The following PIP5K1A variants were observed in gnomAD, a reference collection of about 807,000 sequenced individuals.
PIP5K1A encodes phosphatidylinositol 4-phosphate 5-kinase type-1 alpha.
In PIP5K1A, 46 loss-of-function variants were observed where a neutral mutation model predicts 72.9. That is an observed-to-expected ratio of 0.63 (90% confidence interval 0.50 to 0.81). The LOEUF is 0.81. Ranked by LOEUF, PIP5K1A falls within the 30% of genes least tolerant of loss-of-function variation. PIP5K1A has a pLI of 0.00. For synonymous variants in PIP5K1A, 228 were observed against 255.1 expected (o/e 0.89, Z 1.01); for missense variants, 458 against 706.1 (o/e 0.65, Z 3.98).
chr1:151,237,063 C>T (rs1690994021), intron 9 of PIP5K1A, among the ~76,000 whole-genome samples: 1 of 152,080 alleles, frequency 6.6e-6, no homozygotes, highest in African/African-American at 2.4e-5. Context: ...CTCCTGACCT[C>T]AGGTGATCCA....
intron 1 of PIP5K1A, among the ~76,000 whole-genome samples, chr1:151,212,117 A>G (rs1017696697): frequency 2.4e-4 from 36 of 152,056 alleles, no homozygotes; most frequent in Admixed American, 1.1e-3. Flanking sequence ...GTCTCAAAAA[A>G]AAAAAAAGAT....
intron 1 of PIP5K1A, among the ~76,000 whole-genome samples, chr1:151,212,526 G>A (rs1433158854): frequency 6.6e-6 from 1 of 152,036 alleles, no homozygotes; most frequent in African/African-American, 2.4e-5. Flanking sequence ...CCTTAGGACT[G>A]GTACAGAGTT....
intron 4 of PIP5K1A, among the ~76,000 whole-genome samples, chr1:151,229,503 A>G (rs1689715508): frequency 6.6e-6 from 1 of 151,420 alleles, no homozygotes; most frequent in South Asian, 2.1e-4. Context: ...CTGGGATTAC[A>G]GGCATGCACC....
intron 1 of PIP5K1A, among the ~76,000 whole-genome samples, chr1:151,209,308 C>G (rs587770638): frequency 6.6e-6 from 1 of 151,996 alleles, no homozygotes; most frequent in East Asian, 1.9e-4. Context: ...GAGTCTTGCT[C>G]TGTCGCCCAG....
At chr1:151,203,385 C>T (rs1279326313) in intron 1 of PIP5K1A, among the ~76,000 whole-genome samples, 2 of 151,804 alleles carry the variant, frequency 1.3e-5, no homozygotes, top group South Asian at 2.1e-4. Context: ...AAAAATTAGC[C>T]GGGTGTGGTG....
chr1:151,224,157 TTTGACTCAA>T, intron 1 of PIP5K1A, 79 bp from the exon 2 acceptor site: 1 of 1,203,940 alleles, frequency 8.3e-7, no homozygotes, highest in Non-Finnish European at 1.2e-6. Flanking sequence ...TTATGTTTAG[TTTGACTCAA>T]ACTCTGATGG....
intron 1 of PIP5K1A, among the ~76,000 whole-genome samples, chr1:151,218,246 C>T (rs891728663): frequency 1.3e-5 from 2 of 152,114 alleles, no homozygotes; most frequent in South Asian, 4.1e-4. Context: ...AAGGTAATCT[C>T]CCTAAAAGAA....
intron 12 of PIP5K1A, chr1:151,240,312 A>G (rs974346080): frequency 4.9e-6 from 2 of 410,104 alleles, no homozygotes; most frequent in Non-Finnish European, 8.8e-6. Context: ...ATAAATAAAT[A>G]ATGTGTAGTT....
At chr1:151,225,664 T>G (rs1689015953) in intron 3 of PIP5K1A, among the ~76,000 whole-genome samples, 1 of 151,494 alleles carries the variant, frequency 6.6e-6, no homozygotes, top group Non-Finnish European at 1.5e-5. Context: ...GAGGCAGGGT[T>G]TCACCCTGTT....
chr1:151,213,464 T>C (rs1687141079), intron 1 of PIP5K1A: 3 of 152,198 alleles, frequency 2.0e-5, no homozygotes, highest in Admixed American at 1.3e-4. Flanking sequence ...TGAAATTGGG[T>C]ATCCCTGTTT....
chr1:151,228,974 C>A (rs1031831716), intron 4 of PIP5K1A, among the ~76,000 whole-genome samples: 2 of 151,270 alleles, frequency 1.3e-5, no homozygotes, highest in African/African-American at 4.9e-5. Flanking sequence ...CGGAGACCAA[C>A]CTGACCAACA....
Position 151,243,530 on chromosome 1 carries a change from T to C in PIP5K1A, c.1640+963T>C, listed in dbSNP as rs587775009. 7.2e-5 allele frequency among the ~76,000 whole-genome samples: 11 copies of C among 152,332 alleles called. No individual in the cohort carries two copies. The South Asian group carries it at 2.3e-3, about 32-fold the overall frequency. On this transcript the variant is annotated intron_variant, in intron 14 of 15. Transcript: ENST00000368888. ...AGGAGTCATTGATTTTATTTGCTGT[T>C]CCAAAATCCAGGAAATGTTGGAGTT...
At chr1:151,214,675 C>T (rs1687321371) in intron 1 of PIP5K1A, among the ~76,000 whole-genome samples, 2 of 152,050 alleles carry the variant, frequency 1.3e-5, no homozygotes, top group African/African-American at 2.4e-5. Context: ...GCCACAGCAC[C>T]TGGCCGGCTT....
intron 10 of PIP5K1A, chr1:151,238,714 A>C: frequency 4.3e-6 from 1 of 230,874 alleles, no homozygotes. Flanking sequence ...AGGAGCTGGA[A>C]TTGTTAGACC....
At chr1:151,227,692 A>G (rs2102518895) in intron 4 of PIP5K1A, among the ~76,000 whole-genome samples, 1 of 152,312 alleles carries the variant, frequency 6.6e-6, no homozygotes, top group East Asian at 1.9e-4. Context: ...GGAGTTCAAG[A>G]CCAACCTGGC....
rs1684754438 is a variant in PIP5K1A at position 151,198,569 on chromosome 1, C to T, written c.-428C>T. ...AGTGCTCGGATTTTTTGCTTGGCTA[C>T]CCGGAGTGAAGCGGCCGGGTTGGGC... On this transcript the variant is annotated 5_prime_UTR_variant, in exon 1 of 16. Coordinates refer to ENST00000368888, the MANE Select transcript of PIP5K1A (RefSeq NM_001135638.2). 5.0e-6 allele frequency: 1 copy of T among 199,560 alleles called. No homozygotes were observed. Among genetic ancestry groups the T allele is most frequent in the South Asian group, 7.9e-5 (1 of 12,640 alleles). The allele number at this position is 199,560 out of a possible 1,614,324, so 12.4% of individuals were successfully genotyped here.
At chr1:151,218,953 A>G (rs374739852) in intron 1 of PIP5K1A, among the ~76,000 whole-genome samples, 9 of 151,898 alleles carry the variant, frequency 5.9e-5, no homozygotes, top group African/African-American at 2.2e-4. Flanking sequence ...TTTTGAGCCC[A>G]TTCCTTAACC....
intron 1 of PIP5K1A, among the ~76,000 whole-genome samples, chr1:151,223,092 T>C (rs1344393536): frequency 6.6e-6 from 1 of 152,046 alleles, no homozygotes; most frequent in East Asian, 1.9e-4. Context: ...GGCTCACCCC[T>C]GTGATCCCAG....
chr1:151,201,647 T>G (rs1450120866), intron 1 of PIP5K1A, among the ~76,000 whole-genome samples: 1 of 151,974 alleles, frequency 6.6e-6, no homozygotes. Context: ...TATCGCAAGG[T>G]CAGGAGTTCG....
Sources: allele counts gnomAD v4.1 joint callset (sites outside exome capture counted in the v4.1 genomes callset), GRCh38; gene constraint gnomAD v4.1.1; transcripts MANE v1.5; gene names NCBI Gene and HGNC (gene_info 2026-07-23, HGNC 2026-07-21).